Variants in MYH11 observed in about 807,000 individuals in gnomAD.
MYH11 encodes myosin-11.
Under a neutral mutation model 246.6 loss-of-function variants are expected in MYH11, and 80 were observed. The observed-to-expected ratio is 0.32, with a 90% CI of 0.27 to 0.39. The LOEUF is 0.39. MYH11 is among the 10% of genes least tolerant of loss of function. MYH11 has a pLI of 1.00. For synonymous variants in MYH11, 1,071 were observed against 1,015.5 expected (o/e 1.05, Z -1.04); for missense variants, 2,158 against 2,546.8 (o/e 0.85, Z 3.29).
At chr16:15,770,380 T>G (rs1472787173) in intron 9 of MYH11, among the ~76,000 whole-genome samples, 1 of 152,212 alleles carries the variant, frequency 6.6e-6, no homozygotes, top group African/African-American at 2.4e-5. Context: ...AGTTCTGTCC[T>G]GGTGTTCCTG....
At chr16:15,758,595 G>A (rs1018893211) in intron 12 of MYH11, among the ~76,000 whole-genome samples, 24 of 151,574 alleles carry the variant, frequency 1.6e-4, no homozygotes, top group African/African-American at 5.3e-4. Flanking sequence ...TTTGAGATCA[G>A]GAGTTTGAGA....
In MYH11 at chr16:15,724,656, G is replaced by A. The variant is rs989956460; in HGVS notation, c.4107C>T (p.Leu1369=). ...KQNLERHIST[L]NIQLSDSKKK... ...GACACGGGGCAGGCACCTGGATGTT[G>A]AGAGTGGAGATGTGGCGCTCCAGGT... The change falls in exon 30 of 41, where the codon CTC becomes CTT. Residue 1369 remains leucine (L), a synonymous_variant. Transcript: ENST00000300036. 2 of 1,614,032 alleles carry A rather than the reference G, an allele frequency of 1.2e-6. No homozygotes were observed. The highest frequency in any genetic ancestry group is 2.7e-5 in the African/African-American group (2 of 74,940).
rs2041232280 is a variant in MYH11 at position 15,740,151 on chromosome 16, C to G, written c.2897G>C (p.Arg966Thr). The G allele has an allele frequency of 9.9e-6, 16 of 1,614,104 alleles. No homozygotes were observed. Among genetic ancestry groups the G allele is most frequent in the African/African-American group, 1.3e-5 (1 of 74,928 alleles). The stretch of plus-strand genomic sequence containing the variant: ...GACCTTCTCAAGTTGCAGCTTCTGC[C>G]TGGCAGCTTCCTCCTCCTCCAGCTG... ...EEQLEEEEAA[R>T]QKLQLEKVTA... The change falls in exon 23 of 41, where the codon AGG becomes ACG. Residue 966 changes from arginine (R) to threonine (T), a missense_variant. By Grantham distance (71) the Arg-to-Thr change is moderately conservative (BLOSUM62 -1). Coordinates refer to ENST00000300036, the MANE Select transcript of MYH11 (RefSeq NM_002474.3).
intron 1 of MYH11, among the ~76,000 whole-genome samples, chr16:15,845,265 A>G (rs1249388089): frequency 2.0e-5 from 3 of 151,196 alleles, no homozygotes; most frequent in Admixed American, 6.6e-5. Flanking sequence ...CAAATTCATA[A>G]ACTTTCTTAA....
At chr16:15,825,182 TC>T (rs2043526630) in intron 2 of MYH11, among the ~76,000 whole-genome samples, 1 of 152,064 alleles carries the variant, frequency 6.6e-6, no homozygotes, top group Non-Finnish European at 1.5e-5. Flanking sequence ...GACTTGTGGT[TC>T]CCAGAGGCTG....
In MYH11 at chr16:15,737,582, C is replaced by G; in HGVS notation, c.3160G>C (p.Glu1054Gln). ...CCCTCCAGCTTCCGTTTCAGCTTCT[C>G]CAGCTCCTGTCGGCTCTTCTCTTCC... is the stretch of plus-strand genomic sequence containing the variant. ...KKEEKSRQEL[E>Q]KLKRKLEGDA... The change falls in exon 25 of 41, where the codon GAG (glutamate) becomes CAG (glutamine). Residue 1054 changes from glutamate (E) to glutamine (Q), a missense_variant. This residue lies in a region of MYH11 where 284 missense variants were observed against 315.4 expected (regional missense o/e 0.90). Coordinates refer to ENST00000300036, the MANE Select transcript of MYH11 (RefSeq NM_002474.3). 6.2e-7 allele frequency: 1 copy of G among 1,613,814 alleles called. No individual in the cohort carries two copies. The highest frequency in any genetic ancestry group is 8.5e-7 in the Non-Finnish European group (1 of 1,180,018).
chr16:15,715,560 T>C (rs554794114), intron 38 of MYH11, among the ~76,000 whole-genome samples: 3 of 152,322 alleles, frequency 2.0e-5, no homozygotes, highest in Admixed American at 6.5e-5. Context: ...GATAAATTCA[T>C]AGAGACAGAA....
intron 40 of MYH11, among the ~76,000 whole-genome samples, chr16:15,707,057 G>A (rs1014440519): frequency 7.2e-5 from 11 of 151,758 alleles, no homozygotes; most frequent in African/African-American, 2.2e-4. Context: ...ATTTTTTTTT[G>A]AAATAGAGTC....
In MYH11 at chr16:15,750,910, A is replaced by C. The variant is rs191331538; in HGVS notation, c.1865-579T>G. On this transcript the variant is annotated intron_variant, in intron 15 of 40. Coordinates refer to ENST00000300036, the MANE Select transcript of MYH11 (RefSeq NM_002474.3). This position sits in a 1 kb window ranked among gnomAD's most constrained non-coding sequence, Gnocchi z 4.3. ...GTAGTGAGGTGTGCGTAGAAAAATA[A>C]AAATAGGGTAAAGCGGAGAGAGAGT... Among the ~76,000 whole-genome samples the C allele has an allele frequency of 3.5e-4, 53 of 152,200 alleles. No homozygotes were observed. Among genetic ancestry groups the C allele is most frequent in the Admixed American group, 1.4e-3 (21 of 15,268 alleles).
rs75320279 is a variant in MYH11 at position 15,742,232 on chromosome 16, C to T, written c.2521-341G>A. On this transcript the variant is annotated intron_variant, in intron 20 of 40. Coordinates refer to ENST00000300036, the MANE Select transcript of MYH11 (RefSeq NM_002474.3). ...GTGAAAGGAAAAAGTCTCATCTTCC[C>T]CACTTTAGAACCATCCCAACAGAGA... 377 of 421,560 alleles carry T rather than the reference C, an allele frequency of 8.9e-4. 5 individuals are homozygous for T. Among genetic ancestry groups the T allele is most frequent in the African/African-American group, 6.0e-3 (299 of 49,624 alleles). The allele number at this position is 421,560 out of a possible 1,614,324, so 26.1% of individuals were successfully genotyped here. A position where few individuals can be genotyped will look rare whatever the true frequency, so the allele number is the denominator to read the frequency against.
At chr16:15,826,099 C>T (rs2043556909) in intron 2 of MYH11, among the ~76,000 whole-genome samples, 1 of 152,172 alleles carries the variant, frequency 6.6e-6, no homozygotes, top group Admixed American at 6.5e-5. Flanking sequence ...TTATGCTATC[C>T]AGCCTAGGCC....
chr16:15,719,228 C>T lies in MYH11; in HGVS notation c.5163G>A (p.Leu1721=), dbSNP rs777919235. The change falls in exon 36 of 41, where the codon CTG becomes CTA. Residue 1721 remains leucine (L), a synonymous_variant. Coordinates refer to ENST00000300036, the MANE Select transcript of MYH11 (RefSeq NM_002474.3). ...TCCATTCAGTTTCCTACCTTCCCGA[C>T]AGGCTACTGGCCAGCTCCTCTGCCA... The part of the protein sequence containing the change: ...EELAEELASS[L]SGRNALQDEK... 6 of 1,613,634 alleles carry T rather than the reference C, an allele frequency of 3.7e-6. No homozygotes were observed. The highest frequency in any genetic ancestry group is 5.1e-6 in the Non-Finnish European group (6 of 1,180,042).
intron 40 of MYH11, among the ~76,000 whole-genome samples, chr16:15,705,450 G>GA (rs2039396094): frequency 2.0e-5 from 3 of 152,304 alleles, no homozygotes. Context: ...GCAGAAGAAG[G>GA]AAAAATCAGA....
chr16:15,806,265 G>T (rs2043009336), intron 3 of MYH11, among the ~76,000 whole-genome samples: 1 of 111,106 alleles, frequency 9.0e-6, no homozygotes, highest in African/African-American at 3.4e-5. Context: ...CGAGTGCAGT[G>T]AGACACTCTG....
chr16:15,706,579 C>T (rs1186364557), intron 40 of MYH11, among the ~76,000 whole-genome samples: 4 of 152,006 alleles, frequency 2.6e-5, no homozygotes, highest in African/African-American at 4.8e-5. Context: ...TGGTGGCAGG[C>T]GCCTGGAATC....
rs573092546 is a variant in MYH11 at position 15,841,805 on chromosome 16, G to A, written c.-17-3536C>T. On this transcript the variant is annotated intron_variant, in intron 1 of 40. Transcript: ENST00000300036. Reference sequence around the variant, plus strand: ...TCCAAAGAACTGAGTTGCTGGCTAAGTGAGGACATATGGCCACCAGGATCT... The same window carrying A: ...TCCAAAGAACTGAGTTGCTGGCTAAATGAGGACATATGGCCACCAGGATCT... 3.9e-5 allele frequency among the ~76,000 whole-genome samples: 6 copies of A among 152,322 alleles called. No individual in the cohort carries two copies. In the East Asian group the frequency reaches 9.7e-4, roughly 25 times the overall value.
chr16:15,837,354 T>G (rs1489224063), intron 2 of MYH11, among the ~76,000 whole-genome samples: 5 of 152,132 alleles, frequency 3.3e-5, no homozygotes, highest in Non-Finnish European at 7.4e-5. Flanking sequence ...TTGGCACATG[T>G]GATGACATGG....
intron 1 of MYH11, among the ~76,000 whole-genome samples, chr16:15,851,725 C>T (rs1304514228): frequency 6.6e-6 from 1 of 152,094 alleles, no homozygotes; most frequent in Non-Finnish European, 1.5e-5. Context: ...CTTGTGACAT[C>T]TGCCTAATCA....
At chr16:15,729,371 T>C (rs1024829167) in intron 27 of MYH11, among the ~76,000 whole-genome samples, 6 of 152,150 alleles carry the variant, frequency 3.9e-5, no homozygotes, top group Non-Finnish European at 8.8e-5. Flanking sequence ...TTTGCACCTC[T>C]ACCTGCTTTG....
Sources: allele counts gnomAD v4.1 joint callset (sites outside exome capture counted in the v4.1 genomes callset), GRCh38; gene constraint gnomAD v4.1.1; regional missense constraint gnomAD v4.1.1; non-coding constraint Gnocchi (gnomAD v3.1); transcripts MANE v1.5; gene names NCBI Gene and HGNC (gene_info 2026-07-23, HGNC 2026-07-21).